The following MAP3K13 variants were observed in gnomAD, a reference collection of about 807,000 sequenced individuals.
MAP3K13 encodes mitogen-activated protein kinase kinase kinase 13, also known as leucine zipper-bearing kinase.
A neutral mutation model predicts 104.0 loss-of-function variants in MAP3K13; 52 were observed. The ratio of observed to expected loss-of-function variants is 0.50; its 90% CI spans 0.40 to 0.63. MAP3K13 has a LOEUF of 0.63. MAP3K13 is among the 20% of genes least tolerant of loss of function. MAP3K13 has a pLI of 0.00. For synonymous variants in MAP3K13, 394 were observed against 442.2 expected (o/e 0.89, Z 1.37); for missense variants, 914 against 1,218.5 (o/e 0.75, Z 3.72).
At chr3:185,432,983 T>C (rs909750781) in intron 2 of MAP3K13, among the ~76,000 whole-genome samples, 3 of 152,194 alleles carry the variant, frequency 2.0e-5, no homozygotes, top group African/African-American at 4.8e-5. Context: ...GAGCCAATCT[T>C]CAATCCTGCA....
At chr3:185,371,495 G>A (rs1452086556) in intron 1 of MAP3K13, among the ~76,000 whole-genome samples, 1 of 152,234 alleles carries the variant, frequency 6.6e-6, no homozygotes, top group Non-Finnish European at 1.5e-5. Flanking sequence ...GATGGTGATT[G>A]TCTTCAGTGT....
chr3:185,392,732 C>T (rs6777516), intron 1 of MAP3K13, among the ~76,000 whole-genome samples: 25,861 of 151,924 alleles, frequency 0.17, 2,230 homozygotes, highest in African/African-American at 0.21. Context: ...CTACAGACAA[C>T]GGTACAATTA....
chr3:185,414,961 C>T (rs1713662365), intron 1 of MAP3K13, among the ~76,000 whole-genome samples: 1 of 151,902 alleles, frequency 6.6e-6, no homozygotes, highest in Admixed American at 6.6e-5. Context: ...TGCTTGAGGC[C>T]AGGAGTCCAA....
In MAP3K13 at chr3:185,315,946, A is replaced by G. The variant is rs1006167159; in HGVS notation, c.-86+30303A>G. Among the ~76,000 whole-genome samples the G allele has an allele frequency of 1.4e-4, 21 of 152,242 alleles. No individual in the cohort carries two copies. The highest frequency in any genetic ancestry group is 4.1e-4 in the African/African-American group (17 of 41,470). ...TGAGTCATTAAGGTATAGAAGATCA[A>G]TTAGAGAAAGCCCTGAACAGAAAGG... is the stretch of plus-strand genomic sequence containing the variant. On this transcript the variant is annotated intron_variant, in intron 2 of 14. Transcript: ENST00000424227. The surrounding 1 kb of genome is among the most constrained non-coding windows in gnomAD (Gnocchi z 4.3).
intron 3 of MAP3K13, among the ~76,000 whole-genome samples, chr3:185,439,821 C>T (rs1250067223): frequency 6.6e-6 from 1 of 152,142 alleles, no homozygotes; most frequent in African/African-American, 2.4e-5. Context: ...CTGCTAGTGC[C>T]CAACTCTTTA....
At chr3:185,379,056 T>A in intron 1 of MAP3K13, among the ~76,000 whole-genome samples, 1 of 151,078 alleles carries the variant, frequency 6.6e-6, no homozygotes, top group Non-Finnish European at 1.5e-5. Flanking sequence ...AAGAGAAGGG[T>A]AGAGACACGG....
At chr3:185,348,027 A>AAG (rs397968474) in intron 2 of MAP3K13, among the ~76,000 whole-genome samples, 1 of 150,958 alleles carries the variant, frequency 6.6e-6, no homozygotes, top group African/African-American at 2.4e-5. Flanking sequence ...AAAAAAAAAA[A>AAG]GAAAGAAAGA....
chr3:185,459,596 C>T (rs191414230), intron 7 of MAP3K13, among the ~76,000 whole-genome samples: 1 of 152,044 alleles, frequency 6.6e-6, no homozygotes, highest in African/African-American at 2.4e-5. Context: ...ACTACAGGCA[C>T]CTGCCATCAT....
At chr3:185,416,252 G>C (rs975698284) in intron 1 of MAP3K13, among the ~76,000 whole-genome samples, 1 of 152,020 alleles carries the variant, frequency 6.6e-6, no homozygotes, top group Non-Finnish European at 1.5e-5. Context: ...CTAAGGAAAA[G>C]CTTACTTGTC....
chr3:185,466,679 T>G, intron 9 of MAP3K13, 147 bp from the exon 10 acceptor site: 3 of 941,630 alleles, frequency 3.2e-6, no homozygotes, highest in Non-Finnish European at 3.2e-6. Flanking sequence ...GCCCGGCTGT[T>G]TGTTTGTTTT....
intron 2 of MAP3K13, among the ~76,000 whole-genome samples, chr3:185,313,198 A>AG (rs1413622597): frequency 6.6e-6 from 1 of 151,822 alleles, no homozygotes; most frequent in African/African-American, 2.4e-5. Flanking sequence ...CAAAAAAAAA[A>AG]AGGGGAAAAT....
At chr3:185,456,006 G>T (rs1403432442) in intron 7 of MAP3K13, among the ~76,000 whole-genome samples, 6 of 146,152 alleles carry the variant, frequency 4.1e-5, no homozygotes, top group South Asian at 4.3e-4. Context: ...ATATATATGA[G>T]ATATATATAT....
In MAP3K13 at chr3:185,403,349, C is replaced by G. The variant is rs558645717; in HGVS notation, c.-85-25148C>G. Among the ~76,000 whole-genome samples the G allele has an allele frequency of 2.5e-4, 38 of 152,288 alleles. 2 individuals carry two copies. The South Asian group carries it at 7.7e-3, about 31-fold the overall frequency. ...TTCTTCAGAGGTGATAATACACTAA[C>G]ATTTATGAAAACTTGAACTTTTTAA... On this transcript the variant is annotated intron_variant, in intron 1 of 13. Transcript: ENST00000265026.
intron 2 of MAP3K13, among the ~76,000 whole-genome samples, chr3:185,305,414 A>T (rs1721258161): frequency 6.6e-6 from 1 of 152,152 alleles, no homozygotes; most frequent in Non-Finnish European, 1.5e-5. Flanking sequence ...CCTCTACTTT[A>T]TCAATCTCAC....
chr3:185,338,616 A>C (rs2108717156), intron 2 of MAP3K13, among the ~76,000 whole-genome samples: 1 of 152,338 alleles, frequency 6.6e-6, no homozygotes, highest in South Asian at 2.1e-4. Context: ...TCATTATATA[A>C]CATTACCCCT....
At chr3:185,412,504 T>C (rs1418850929) in intron 1 of MAP3K13, among the ~76,000 whole-genome samples, 1 of 152,074 alleles carries the variant, frequency 6.6e-6, no homozygotes, top group Admixed American at 6.5e-5. Context: ...TAGCACAGAG[T>C]CATTCCAAAA....
chr3:185,338,987 A>T (rs1560054657), intron 2 of MAP3K13, among the ~76,000 whole-genome samples: 1 of 152,198 alleles, frequency 6.6e-6, no homozygotes, highest in Non-Finnish European at 1.5e-5. Flanking sequence ...ATAGTGTGGT[A>T]TATGAGGTAT....
chr3:185,329,160 G>C (rs1340068749), intron 2 of MAP3K13: 1 of 700,218 alleles, frequency 1.4e-6, no homozygotes, highest in Non-Finnish European at 2.6e-6. Flanking sequence ...AGGTGTATCA[G>C]CAAGTGTGCT....
chr3:185,319,533 A>G (rs185449218), intron 2 of MAP3K13, among the ~76,000 whole-genome samples: 1 of 152,342 alleles, frequency 6.6e-6, no homozygotes, highest in East Asian at 1.9e-4. Flanking sequence ...ATTGCATACT[A>G]GGGTGCCTTG....
Sources: gnomAD v4.1 joint callset for allele counts (sites outside exome capture counted in the v4.1 genomes callset) on GRCh38, gnomAD v4.1.1 for gene constraint, Gnocchi (gnomAD v3.1) non-coding constraint, MANE v1.5 for transcripts, NCBI Gene and HGNC (gene_info 2026-07-23, HGNC 2026-07-21) for gene names.